ADGRL3: variants seen among roughly 807,000 people sequenced by gnomAD.
ADGRL3 encodes calcium-independent alpha-latrotoxin receptor 3.
In ADGRL3, 62 loss-of-function variants were observed where a neutral mutation model predicts 153.5. That is an observed-to-expected ratio of 0.40 (90% CI 0.33 to 0.50). ADGRL3 has a LOEUF of 0.50. Ranked by LOEUF, ADGRL3 falls within the 20% of genes least tolerant of loss-of-function variation. ADGRL3 has a pLI of 0.47. For synonymous variants in ADGRL3, 710 were observed against 672.5 expected (o/e 1.06, Z -0.86); for missense variants, 1,641 against 1,859.4 (o/e 0.88, Z 2.16).
chr4:62,011,062 G>A (rs72640022), intron 21 of ADGRL3, among the ~76,000 whole-genome samples: 27,394 of 151,884 alleles, frequency 0.18, 2,858 homozygotes, highest in Middle Eastern at 0.25. Context: ...TTATTTTAGC[G>A]TAGTTTCAGC....
intron 4 of ADGRL3, among the ~76,000 whole-genome samples, chr4:61,586,265 T>C (rs1009294615): frequency 2.3e-4 from 35 of 152,124 alleles, no homozygotes; most frequent in African/African-American, 8.2e-4. Context: ...TAATTAGGTT[T>C]TCTCAAATAT....
At chr4:61,581,889 T>C (rs2098927307) in intron 4 of ADGRL3, among the ~76,000 whole-genome samples, 1 of 152,122 alleles carries the variant, frequency 6.6e-6, no homozygotes, top group African/African-American at 2.4e-5. Context: ...TATCATTACC[T>C]ATTTAAAACA....
At chr4:61,225,983 T>G (rs1747768341) in intron 1 of ADGRL3, among the ~76,000 whole-genome samples, 1 of 152,138 alleles carries the variant, frequency 6.6e-6, no homozygotes. Flanking sequence ...CTAAAAGCTC[T>G]CAAGTTCTCA....
At chr4:62,028,030 G>A (rs1189377425) in intron 21 of ADGRL3, among the ~76,000 whole-genome samples, 2 of 151,664 alleles carry the variant, frequency 1.3e-5, no homozygotes, top group African/African-American at 4.8e-5. Flanking sequence ...GCCTGTCTAG[G>A]AGCTTTATTT....
rs538689158 is a variant in ADGRL3, at chr4:61,775,903, A to T, written c.1400-37906A>T. The T allele has an allele frequency of 2.9e-3, 708 of 247,096 alleles. 4 individuals carry two copies. The highest frequency in any genetic ancestry group is 0.018 in the East Asian group (220 of 12,318). 15.3% of individuals were successfully genotyped at this position (247,096 alleles called of 1,614,324 possible). ...CTTGTTTTTATTTATTTATTTATTTATTTATTTATTTTTTTGAGACGGAGT... is the reference window on the plus strand; with the variant it reads ...CTTGTTTTTATTTATTTATTTATTTTTTTATTTATTTTTTTGAGACGGAGT... On this transcript the variant is annotated intron_variant, in intron 8 of 26. Coordinates refer to ENST00000683033, the MANE Select transcript of ADGRL3 (RefSeq NM_001387552.1).
At chr4:61,911,291 C>T (rs1329234959) in intron 12 of ADGRL3, among the ~76,000 whole-genome samples, 1 of 152,176 alleles carries the variant, frequency 6.6e-6, no homozygotes, top group Non-Finnish European at 1.5e-5. Flanking sequence ...ATTAATGTCA[C>T]ATTCTAACTG....
At chr4:61,825,588 A>G (rs1226576928) in intron 9 of ADGRL3, among the ~76,000 whole-genome samples, 5 of 152,214 alleles carry the variant, frequency 3.3e-5, no homozygotes, top group Non-Finnish European at 5.9e-5. Flanking sequence ...AATCTCAAAT[A>G]TATGTAAAAT....
chr4:61,922,727 T>C (rs2098775621), intron 13 of ADGRL3, among the ~76,000 whole-genome samples: 1 of 152,190 alleles, frequency 6.6e-6, no homozygotes, highest in Non-Finnish European at 1.5e-5. Context: ...AGGCAGTATT[T>C]GTTGAGCTCA....
chr4:61,558,871 C>G (rs1000687483), intron 4 of ADGRL3, among the ~76,000 whole-genome samples: 1 of 152,008 alleles, frequency 6.6e-6, no homozygotes, highest in Non-Finnish European at 1.5e-5. Context: ...AAGAACATAT[C>G]TGACATATAA....
intron 1 of ADGRL3, among the ~76,000 whole-genome samples, chr4:61,268,241 T>A (rs6811215): frequency 0.021 from 3,167 of 151,706 alleles, 98 homozygotes; most frequent in African/African-American, 0.069. Flanking sequence ...TATTTCAAAA[T>A]TTTTTCCTAT....
At chr4:61,746,671 A>C (rs59409296) in intron 8 of ADGRL3, among the ~76,000 whole-genome samples, 13,198 of 152,140 alleles carry the variant, frequency 0.087, 1,212 homozygotes, top group African/African-American at 0.23. Context: ...AGAACAAAGA[A>C]ACAACATACC....
chr4:61,834,050 G>A (rs1226219215), intron 9 of ADGRL3, among the ~76,000 whole-genome samples: 2 of 148,780 alleles, frequency 1.3e-5, no homozygotes, highest in Non-Finnish European at 3.0e-5. Flanking sequence ...GTGCCATGTT[G>A]GTGTGCTGCA....
At chr4:61,524,831 T>G (rs1231878797) in intron 4 of ADGRL3, among the ~76,000 whole-genome samples, 2 of 152,136 alleles carry the variant, frequency 1.3e-5, no homozygotes, top group African/African-American at 4.8e-5. Context: ...TTTAATAAAT[T>G]CATTTATTGT....
chr4:61,247,863 C>T (rs72614715), intron 1 of ADGRL3, among the ~76,000 whole-genome samples: 3,129 of 152,010 alleles, frequency 0.021, 123 homozygotes, highest in East Asian at 0.16. Flanking sequence ...GATACCATAA[C>T]GATACTTTAT....
intron 2 of ADGRL3, among the ~76,000 whole-genome samples, chr4:61,400,376 C>T (rs1250716011): frequency 6.6e-6 from 1 of 151,606 alleles, no homozygotes; most frequent in Non-Finnish European, 1.5e-5. Context: ...GGAAAAAATA[C>T]CCCAAAAACT....
At chr4:62,048,557 G>A (rs540656227) in intron 25 of ADGRL3, among the ~76,000 whole-genome samples, 55 of 151,444 alleles carry the variant, frequency 3.6e-4, no homozygotes, top group African/African-American at 1.0e-3. Context: ...CACCACGCCC[G>A]GCTATTTTTA....
intron 8 of ADGRL3, chr4:61,775,971 G>C (rs2097144619): frequency 6.0e-6 from 1 of 167,394 alleles, no homozygotes; most frequent in African/African-American, 2.4e-5. Context: ...CACGATCTCG[G>C]CTCACTGCAA....
chr4:61,216,824 A>G (rs1355356433), intron 1 of ADGRL3, among the ~76,000 whole-genome samples: 2 of 152,226 alleles, frequency 1.3e-5, no homozygotes, highest in African/African-American at 2.4e-5. Context: ...AAGGATAAAA[A>G]TAATACCTAC....
At position 61,777,476 on chromosome 4, in the gene ADGRL3, T is replaced by C. The variant is rs1230710776; in HGVS notation, c.1400-36333T>C. ...ATGTTTGAGTAGTTCAGATTTGAGC[T>C]CTTCTGTATTATACCAAACATTTTA... On this transcript the variant is annotated intron_variant, in intron 8 of 26. Transcript: ENST00000683033. Among the ~76,000 whole-genome samples the C allele has an allele frequency of 2.0e-5, 3 of 152,250 alleles. No individual in the cohort carries two copies. The South Asian group carries it at 6.2e-4, about 31-fold the overall frequency.
Sources: gnomAD v4.1 joint callset for allele counts (sites outside exome capture counted in the v4.1 genomes callset) on GRCh38, gnomAD v4.1.1 for gene constraint, MANE v1.5 for transcripts, NCBI Gene and HGNC (gene_info 2026-07-23, HGNC 2026-07-21) for gene names.